Variants in SPINK4 observed in about 807,000 individuals in gnomAD.
SPINK4 encodes the protein serine peptidase inhibitor Kazal type 4, also known as serine protease inhibitor Kazal-type 4.
Under a neutral mutation model 12.3 loss-of-function variants are expected in SPINK4, and 10 were observed. The observed-to-expected ratio is 0.81, with a 90% CI of 0.50 to 1.37. SPINK4 has a LOEUF of 1.37. Ranked by LOEUF, SPINK4 falls within the 40% of genes most tolerant of loss-of-function variation. The pLI, the probability that SPINK4 is intolerant of heterozygous loss-of-function variation, is 0.00. For missense variants in SPINK4, 91 were observed against 109.0 expected, an observed-to-expected ratio of 0.84 and a Z score of 0.73; for synonymous variants, 37 against 40.2, an observed-to-expected ratio of 0.92 and a Z score of 0.30.
At chr9:33,240,814 C>G (rs990182271) in intron 1 of SPINK4, among the ~76,000 whole-genome samples, 1 of 152,202 alleles carries the variant, frequency 6.6e-6, no homozygotes, top group Non-Finnish European at 1.5e-5. Flanking sequence ...CCTGCAATCT[C>G]ACAGCTACCA....
chr9:33,240,353 C>A, intron 1 of SPINK4, 84 bp downstream of exon 1: 2 of 1,243,372 alleles, frequency 1.6e-6, no homozygotes, highest in Admixed American at 2.7e-5. Context: ...CCTGGAGCAC[C>A]CTGTGAGGCC....
chr9:33,241,612 C>T (rs995591706), intron 1 of SPINK4, among the ~76,000 whole-genome samples: 3 of 152,240 alleles, frequency 2.0e-5, no homozygotes, highest in African/African-American at 7.2e-5. Context: ...AGCCTGGCAC[C>T]TACACCTACC....
intron 1 of SPINK4, among the ~76,000 whole-genome samples, chr9:33,242,305 G>A (rs1291573554): frequency 6.6e-6 from 1 of 152,140 alleles, no homozygotes; most frequent in Admixed American, 6.5e-5. Context: ...ATGGTGGTGT[G>A]AAAGAAGCCT....
chr9:33,248,402 C>T, intron 3 of SPINK4, 24 bp from the exon 4 acceptor site: 1 of 1,613,768 alleles, frequency 6.2e-7, no homozygotes, highest in Non-Finnish European at 8.5e-7. Context: ...AAGGTAGCCT[C>T]ATGCCTGTCT....
intron 1 of SPINK4, 135 bp from the exon 2 acceptor site, chr9:33,244,977 C>T: frequency 1.3e-6 from 1 of 759,366 alleles, no homozygotes; most frequent in Non-Finnish European, 2.1e-6. Flanking sequence ...TGTCTGGTGG[C>T]TCATCACCTT....
At chr9:33,244,687 G>T (rs886583461) in intron 1 of SPINK4, among the ~76,000 whole-genome samples, 1 of 152,182 alleles carries the variant, frequency 6.6e-6, no homozygotes, top group African/African-American at 2.4e-5. Flanking sequence ...AGACTTGCGC[G>T]AGGGCTCTTG....
intron 3 of SPINK4, chr9:33,248,183 C>T (rs1820304715): frequency 3.7e-6 from 2 of 541,040 alleles, no homozygotes; most frequent in African/African-American, 3.8e-5. Flanking sequence ...ACAGATTTGG[C>T]AGCCATCAGC....
At chr9:33,241,801 C>T (rs1261538178) in intron 1 of SPINK4, among the ~76,000 whole-genome samples, 1 of 152,140 alleles carries the variant, frequency 6.6e-6, no homozygotes. Context: ...TTCCCCACAT[C>T]CCCCAGAAAG....
chr9:33,247,222 G>A (rs934946944), intron 3 of SPINK4, among the ~76,000 whole-genome samples: 3 of 147,234 alleles, frequency 2.0e-5, no homozygotes, highest in South Asian at 2.1e-4. Flanking sequence ...GCAGTGGCAC[G>A]ATCTTGGCTC....
intron 3 of SPINK4, 183 bp from the exon 4 acceptor site, chr9:33,248,243 G>T: frequency 1.7e-6 from 1 of 604,640 alleles, no homozygotes; most frequent in East Asian, 2.8e-5. Flanking sequence ...CAGGGGAAGG[G>T]TGTACAAAAA....
intron 3 of SPINK4, chr9:33,248,194 G>A (rs12336387): frequency 9.0e-6 from 5 of 557,542 alleles, no homozygotes; most frequent in South Asian, 4.5e-5. Context: ...AGCCATCAGC[G>A]TGCGCTGGTG....
At chr9:33,245,659 G>T (rs1339535229) in intron 2 of SPINK4, among the ~76,000 whole-genome samples, 1 of 152,196 alleles carries the variant, frequency 6.6e-6, no homozygotes, top group African/African-American at 2.4e-5. Context: ...AGTGGTACTG[G>T]CATCCTTGAG....
chr9:33,247,466 C>G (rs914845084), intron 3 of SPINK4, among the ~76,000 whole-genome samples: 2 of 151,962 alleles, frequency 1.3e-5, no homozygotes, highest in Non-Finnish European at 2.9e-5. Flanking sequence ...CCGTGCCCGG[C>G]CTTCAGCACA....
intron 1 of SPINK4, among the ~76,000 whole-genome samples, chr9:33,243,515 T>C (rs1269527344): frequency 6.6e-6 from 1 of 152,236 alleles, no homozygotes; most frequent in African/African-American, 2.4e-5. Context: ...GTTCTAGGAT[T>C]TCACATAAAT....
chr9:33,243,684 G>A (rs1394078349), intron 1 of SPINK4, among the ~76,000 whole-genome samples: 1 of 152,086 alleles, frequency 6.6e-6, no homozygotes, highest in Non-Finnish European at 1.5e-5. Context: ...AAGGACATTT[G>A]GATCACTTTC....
intron 1 of SPINK4, among the ~76,000 whole-genome samples, chr9:33,242,710 C>T (rs1294361956): frequency 1.3e-5 from 2 of 152,130 alleles, no homozygotes; most frequent in African/African-American, 2.4e-5. Context: ...TCTTATCACT[C>T]GATGAATCTT....
chr9:33,244,948 A>G (rs1820271513), intron 1 of SPINK4, among the ~76,000 whole-genome samples, 164 bp from the exon 2 acceptor site: 1 of 152,182 alleles, frequency 6.6e-6, no homozygotes, highest in Admixed American at 6.5e-5. Flanking sequence ...AGATCACATC[A>G]GCTTTCTGGC....
At chr9:33,247,505 G>A (rs1342061806) in intron 3 of SPINK4, among the ~76,000 whole-genome samples, 2 of 152,106 alleles carry the variant, frequency 1.3e-5, no homozygotes, top group East Asian at 3.9e-4. Flanking sequence ...GGGGCACACA[G>A]GAATAAGTAG....
intron 2 of SPINK4, 113 bp from the exon 3 acceptor site, chr9:33,246,503 G>C (rs980216445): frequency 1.5e-5 from 12 of 778,094 alleles, no homozygotes; most frequent in Non-Finnish European, 2.5e-5. Context: ...CACACTGGGG[G>C]CCTTCTTGAC....
Sources: allele counts gnomAD v4.1 joint callset (sites outside exome capture counted in the v4.1 genomes callset), GRCh38; gene constraint gnomAD v4.1.1; transcripts MANE v1.5; gene names NCBI Gene and HGNC (gene_info 2026-07-23, HGNC 2026-07-21).